Variants in SIL1 observed in about 807,000 individuals in gnomAD.
SIL1 encodes nucleotide exchange factor SIL1.
Under a neutral mutation model 49.1 loss-of-function variants are expected in SIL1, and 40 were observed. That is an observed-to-expected ratio of 0.81 (90% CI 0.63 to 1.06). The LOEUF (loss-of-function observed/expected upper bound fraction) is 1.06, where lower values mean the gene tolerates loss of function less well. SIL1 is among the 50% of genes least tolerant of loss of function. SIL1 has a pLI of 0.00. For synonymous variants in SIL1, 253 were observed against 250.8 expected (o/e 1.01, Z -0.08); for missense variants, 500 against 572.6 (o/e 0.87, Z 1.29).
intron 7 of SIL1, among the ~76,000 whole-genome samples, chr5:139,020,839 G>A (rs1314068722): frequency 6.6e-6 from 1 of 152,128 alleles, no homozygotes; most frequent in Non-Finnish European, 1.5e-5. Context: ...TAGCTTTACT[G>A]CCAAAAGACC....
At chr5:139,024,460 T>G (rs1055351725) in intron 6 of SIL1, among the ~76,000 whole-genome samples, 11 of 152,190 alleles carry the variant, frequency 7.2e-5, no homozygotes, top group African/African-American at 2.7e-4. Flanking sequence ...ATGGATACAG[T>G]GCATACTCAT....
chr5:139,059,730 A>G (rs918692557), intron 3 of SIL1, among the ~76,000 whole-genome samples: 1 of 152,178 alleles, frequency 6.6e-6, no homozygotes. Flanking sequence ...ATATATCCAC[A>G]CATCTATATT....
chr5:139,134,078 C>T (rs1487179780), intron 1 of SIL1, among the ~76,000 whole-genome samples: 1 of 152,184 alleles, frequency 6.6e-6, no homozygotes, highest in Admixed American at 6.5e-5. Context: ...GTACTGGGTA[C>T]AGCACCTAGC....
rs181440379 is a variant in SIL1 at position 138,955,162 on chromosome 5, G to A, written c.768-3278C>T. Among the ~76,000 whole-genome samples the A allele has an allele frequency of 6.6e-5, 10 of 152,336 alleles. No individual in the cohort carries two copies. In the East Asian group the frequency reaches 1.9e-3, roughly 29 times the overall value. ...ACAGTTGGGGATCTGAGTTAAGGGG[G>A]CGGGGGCCTGGCACGCCTCAAAGTG... is the stretch of plus-strand genomic sequence containing the variant. On this transcript the variant is annotated intron_variant, in intron 7 of 9. Transcript: ENST00000394817.
intron 3 of SIL1, 95 bp downstream of exon 3, chr5:139,120,940 G>A: frequency 6.6e-7 from 1 of 1,505,280 alleles, no homozygotes; most frequent in Non-Finnish European, 9.2e-7. Context: ...GCAGGCCAGA[G>A]AAGAGCAGCC....
chr5:139,141,279 C>A (rs1028560695), intron 1 of SIL1, among the ~76,000 whole-genome samples: 1 of 152,014 alleles, frequency 6.6e-6, no homozygotes, highest in Non-Finnish European at 1.5e-5. Flanking sequence ...CTAAAAAGAA[C>A]CATTTGGAAG....
At chr5:139,011,283 C>G (rs1005733402) in intron 7 of SIL1, among the ~76,000 whole-genome samples, 3 of 150,946 alleles carry the variant, frequency 2.0e-5, no homozygotes, top group Non-Finnish European at 3.0e-5. Context: ...TGACCCCTTG[C>G]GCTTCCCAGG....
chr5:139,170,260 C>T (rs914077698), intron 1 of SIL1, among the ~76,000 whole-genome samples: 6 of 152,130 alleles, frequency 3.9e-5, no homozygotes, highest in Admixed American at 6.5e-5. Flanking sequence ...CCCAAAGTGC[C>T]GAGATTGCAG....
At chr5:139,125,136 C>T (rs375473156) in intron 2 of SIL1, among the ~76,000 whole-genome samples, 49 of 152,356 alleles carry the variant, frequency 3.2e-4, no homozygotes, top group African/African-American at 1.2e-3. Flanking sequence ...CTCACTCTGC[C>T]TAGGCAGTGT....
chr5:138,959,247 G>A (rs562434449), intron 7 of SIL1, among the ~76,000 whole-genome samples: 2 of 152,254 alleles, frequency 1.3e-5, no homozygotes, highest in African/African-American at 2.4e-5. Context: ...ACGTGGCTCC[G>A]AAGACCTGAT....
chr5:139,007,780 T>C (rs1768156363), intron 7 of SIL1, among the ~76,000 whole-genome samples: 1 of 144,850 alleles, frequency 6.9e-6, no homozygotes, highest in Non-Finnish European at 1.5e-5. Context: ...TTTGCGTATA[T>C]TGAACCAGCC....
chr5:139,030,535 CCCGGG>C (rs1423189134), intron 5 of SIL1, among the ~76,000 whole-genome samples: 1 of 149,580 alleles, frequency 6.7e-6, no homozygotes. Flanking sequence ...GTCCCAGCTA[CCCGGG>C]AGGCTGAGGT....
intron 3 of SIL1, among the ~76,000 whole-genome samples, chr5:139,102,525 A>T (rs1322609932): frequency 6.6e-6 from 1 of 151,356 alleles, no homozygotes; most frequent in Non-Finnish European, 1.5e-5. Flanking sequence ...AGAGAAAGTC[A>T]TTTTAAAAAC....
At chr5:138,972,269 C>T (rs887918428) in intron 7 of SIL1, among the ~76,000 whole-genome samples, 1 of 152,200 alleles carries the variant, frequency 6.6e-6, no homozygotes, top group Non-Finnish European at 1.5e-5. Flanking sequence ...TTCTTTCTGC[C>T]ACCATTACTT....
At chr5:139,136,926 C>T (rs1286752514) in intron 1 of SIL1, among the ~76,000 whole-genome samples, 2 of 152,122 alleles carry the variant, frequency 1.3e-5, no homozygotes, top group African/African-American at 4.8e-5. Context: ...CAATGATGGG[C>T]ATCAGTCACT....
chr5:139,026,771 G>C, intron 6 of SIL1, 30 bp downstream of exon 6: 1 of 1,607,646 alleles, frequency 6.2e-7, no homozygotes, highest in African/African-American at 1.3e-5. Flanking sequence ...GCTGTTAAAA[G>C]TCTGACTTAT....
At chr5:139,190,906 A>T (rs1051644250) in intron 1 of SIL1, among the ~76,000 whole-genome samples, 1 of 152,154 alleles carries the variant, frequency 6.6e-6, no homozygotes, top group African/African-American at 2.4e-5. Flanking sequence ...CCAACTCCCC[A>T]TGAGTATGAG....
At chr5:139,044,290 C>T (rs540051847) in intron 4 of SIL1, among the ~76,000 whole-genome samples, 10 of 152,266 alleles carry the variant, frequency 6.6e-5, no homozygotes, top group African/African-American at 1.9e-4. Context: ...TGCCCCACCC[C>T]ACATACCCAA....
chr5:139,110,118 G>A (rs371647476), intron 3 of SIL1, among the ~76,000 whole-genome samples: 3 of 150,098 alleles, frequency 2.0e-5, no homozygotes, highest in Non-Finnish European at 3.0e-5. Flanking sequence ...GCAGTGAGCC[G>A]AGATCACGCC....
Sources: allele counts gnomAD v4.1 joint callset (sites outside exome capture counted in the v4.1 genomes callset), GRCh38; gene constraint gnomAD v4.1.1; transcripts MANE v1.5; gene names NCBI Gene and HGNC (gene_info 2026-07-23, HGNC 2026-07-21).